PRR5L: variants seen among roughly 807,000 people sequenced by gnomAD.
The protein encoded by PRR5L is proline rich 5 like.
PRR5L carries 21 observed loss-of-function variants against 36.4 expected under a neutral mutation model. The ratio of observed to expected loss-of-function variants is 0.58; its 90% CI spans 0.41 to 0.83. The LOEUF is 0.83. PRR5L is among the 40% of genes least tolerant of loss of function. The pLI is 0.00. For synonymous variants in PRR5L, 188 were observed against 197.0 expected, an observed-to-expected ratio of 0.95 and a Z score of 0.38; for missense variants, 381 against 473.3, an observed-to-expected ratio of 0.80 and a Z score of 1.81.
chr11:36,422,827 C>G (rs1213487905), intron 4 of PRR5L, among the ~76,000 whole-genome samples: 1 of 152,120 alleles, frequency 6.6e-6, no homozygotes, highest in African/African-American at 2.4e-5. Context: ...CCCTTTCCCT[C>G]TGTTTTGAAT....
At chr11:36,376,049 T>C (rs1211564673) in intron 1 of PRR5L, 1 of 766,472 alleles carries the variant, frequency 1.3e-6, no homozygotes, top group Admixed American at 2.4e-5. Context: ...GATCTCCCGT[T>C]GTGTGAGAGA....
chr11:36,421,416 C>A lies in PRR5L; in HGVS notation c.294+2113C>A, dbSNP rs150915740. 1.0e-2 allele frequency among the ~76,000 whole-genome samples: 1,515 copies of A among 152,254 alleles called. 15 individuals carry two copies. The highest frequency in any genetic ancestry group is 0.033 in the African/African-American group (1,372 of 41,532). On this transcript the variant is annotated intron_variant, in intron 4 of 8. Coordinates refer to ENST00000530639, the MANE Select transcript of PRR5L (RefSeq NM_001160167.2). ...CCTACCGGGAACATAATCAGAAATG[C>A]TGCTTTGTGAATACAGAATCTCTTG... is the stretch of plus-strand genomic sequence containing the variant.
intron 1 of PRR5L, among the ~76,000 whole-genome samples, chr11:36,397,067 CTTTT>C (rs11300346): frequency 7.7e-6 from 1 of 130,636 alleles, no homozygotes; most frequent in Non-Finnish European, 1.6e-5. Context: ...GTTTTCTTTT[CTTTT>C]TTTTTTTTTT....
chr11:36,449,707 A>G (rs1425593235), intron 7 of PRR5L, among the ~76,000 whole-genome samples: 1 of 152,168 alleles, frequency 6.6e-6, no homozygotes, highest in Non-Finnish European at 1.5e-5. Flanking sequence ...TTTGAACACG[A>G]GGCCCTGCAT....
chr11:36,443,619 G>A (rs2133614314), intron 6 of PRR5L, among the ~76,000 whole-genome samples: 1 of 152,316 alleles, frequency 6.6e-6, no homozygotes, highest in African/African-American at 2.4e-5. Flanking sequence ...TTTTGCATAT[G>A]ACACACAGTA....
intron 7 of PRR5L, among the ~76,000 whole-genome samples, chr11:36,447,188 T>C (rs1858848883): frequency 6.6e-6 from 1 of 152,226 alleles, no homozygotes; most frequent in Admixed American, 6.5e-5. Flanking sequence ...CTTAATCAGA[T>C]AATCCAGACA....
chr11:36,450,654 T>G (rs1858924802), intron 7 of PRR5L, among the ~76,000 whole-genome samples: 2 of 152,228 alleles, frequency 1.3e-5, no homozygotes, highest in South Asian at 4.1e-4. Flanking sequence ...TCTCTTCTTT[T>G]CTAGCCTGTT....
intron 1 of PRR5L, among the ~76,000 whole-genome samples, chr11:36,370,877 T>C (rs1480433699): frequency 9.9e-4 from 2 of 2,018 alleles, no homozygotes; most frequent in South Asian, 0.018. Flanking sequence ...GGAGACTCCA[T>C]CTCAAAAAAA....
intron 3 of PRR5L, among the ~76,000 whole-genome samples, chr11:36,410,531 A>G (rs1221399907): frequency 2.0e-5 from 3 of 152,176 alleles, no homozygotes; most frequent in African/African-American, 7.2e-5. Flanking sequence ...AAATGAGGAT[A>G]CACTCCTACC....
intron 3 of PRR5L, among the ~76,000 whole-genome samples, chr11:36,404,701 G>T: frequency 6.6e-6 from 1 of 152,174 alleles, no homozygotes; most frequent in Non-Finnish European, 1.5e-5. Context: ...TTTACTGTTA[G>T]TTAAGGCCTG....
At position 36,321,876 on chromosome 11, in the gene PRR5L, C is replaced by T. The variant is rs139408939; in HGVS notation, c.-126+25438C>T. Among the ~76,000 whole-genome samples, 441 of 152,302 alleles carry T rather than the reference C, an allele frequency of 2.9e-3. 6 individuals carry two copies. Among genetic ancestry groups the T allele is most frequent in the African/African-American group, 9.9e-3 (412 of 41,564 alleles). Reference sequence around the variant, plus strand: ...ATCTTCTCCCTGTGTCTTCACGGGGCCTTCCCTCTGCAGGTGTCTGTGTCC... The same window carrying T: ...ATCTTCTCCCTGTGTCTTCACGGGGTCTTCCCTCTGCAGGTGTCTGTGTCC... On this transcript the variant is annotated intron_variant, in intron 1 of 8. Coordinates refer to ENST00000530639, the MANE Select transcript of PRR5L (RefSeq NM_001160167.2).
intron 1 of PRR5L, among the ~76,000 whole-genome samples, chr11:36,396,995 A>G (rs369082111): frequency 6.6e-6 from 1 of 152,052 alleles, no homozygotes. Flanking sequence ...GCACCAGTCA[A>G]TGATCTGCCA....
chr11:36,376,417 C>T, intron 1 of PRR5L: 2 of 1,142,476 alleles, frequency 1.8e-6, no homozygotes, highest in South Asian at 1.8e-5. Context: ...GTCACCAGCC[C>T]GGCTGTGGGA....
Position 36,397,443 on chromosome 11 carries a change from C to CTTTTT in PRR5L, c.-125-3528_-125-3524dup, listed in dbSNP as rs34024197. 1.6e-3 allele frequency among the ~76,000 whole-genome samples: 57 copies of CTTTTT among 35,110 alleles called. 5 individuals carry two copies. The highest frequency in any genetic ancestry group is 4.1e-3 in the African/African-American group (36 of 8,800). The allele number at this position is 35,110 out of a possible 152,430, so 23.0% of individuals were successfully genotyped here. A position where few individuals can be genotyped will look rare whatever the true frequency, so the allele number is the denominator to read the frequency against. On this transcript the variant is annotated intron_variant, in intron 1 of 8. Coordinates refer to ENST00000530639, the MANE Select transcript of PRR5L (RefSeq NM_001160167.2). The stretch of plus-strand genomic sequence containing the variant: ...TTCATGTCAGCCAGGCAGCCGATGC[C>CTTTTT]TTTTTTTTTTTTTTTTTTTTTTTTT...
intron 1 of PRR5L, among the ~76,000 whole-genome samples, chr11:36,345,798 G>A (rs988893024): frequency 3.9e-5 from 6 of 152,322 alleles, no homozygotes; most frequent in African/African-American, 1.4e-4. Context: ...AGATGCTCCG[G>A]GAAAAGCTCT....
chr11:36,432,545 G>C (rs1858522877), intron 5 of PRR5L, among the ~76,000 whole-genome samples: 1 of 152,274 alleles, frequency 6.6e-6, no homozygotes, highest in Non-Finnish European at 1.5e-5. Flanking sequence ...CCAAAGTGGG[G>C]CTTGATCTTA....
At chr11:36,424,840 A>G (rs192630152) in intron 4 of PRR5L, among the ~76,000 whole-genome samples, 1 of 149,064 alleles carries the variant, frequency 6.7e-6, no homozygotes, top group African/African-American at 2.5e-5. Context: ...TTTTTTTTTT[A>G]GACAAAGTCT....
chr11:36,337,863 G>A (rs1479079020), intron 1 of PRR5L, among the ~76,000 whole-genome samples: 1 of 152,214 alleles, frequency 6.6e-6, no homozygotes, highest in South Asian at 2.1e-4. Context: ...ATATCACAAA[G>A]AAGTTTCTTT....
chr11:36,402,083 CT>C (rs1312723146), intron 2 of PRR5L, among the ~76,000 whole-genome samples: 1 of 152,196 alleles, frequency 6.6e-6, no homozygotes, highest in Non-Finnish European at 1.5e-5. Flanking sequence ...TCTAGCCAAC[CT>C]TTTGTGCACC....
Sources: allele counts gnomAD v4.1 joint callset (sites outside exome capture counted in the v4.1 genomes callset), GRCh38; gene constraint gnomAD v4.1.1; transcripts MANE v1.5; gene names NCBI Gene and HGNC (gene_info 2026-07-23, HGNC 2026-07-21).